Variants in PDE4B observed in about 807,000 individuals in gnomAD.
PDE4B encodes phosphodiesterase 4B.
In PDE4B, 20 loss-of-function variants were observed where a neutral mutation model predicts 82.2. The observed-to-expected ratio is 0.24, with a 90% confidence interval of 0.17 to 0.35. The LOEUF (loss-of-function observed/expected upper bound fraction) is 0.35. Ranked by LOEUF, PDE4B falls within the 10% of genes least tolerant of loss-of-function variation. The pLI is 1.00. For synonymous variants in PDE4B, 320 were observed against 318.9 expected (o/e 1.00, Z -0.04); for missense variants, 655 against 907.2 (o/e 0.72, Z 3.57).
intron 6 of PDE4B, among the ~76,000 whole-genome samples, chr1:66,263,051 C>T (rs17128711): frequency 0.025 from 3,767 of 152,286 alleles, 64 homozygotes; most frequent in Middle Eastern, 0.054. Flanking sequence ...TAATCCAGTG[C>T]GTATGTGTTG....
chr1:65,855,895 A>G (rs1164183874), intron 1 of PDE4B, among the ~76,000 whole-genome samples: 1 of 152,088 alleles, frequency 6.6e-6, no homozygotes, highest in Non-Finnish European at 1.5e-5. Flanking sequence ...ATTTGCCTGC[A>G]GTCATAGTGA....
At chr1:66,220,598 T>A (rs2101603500) in intron 3 of PDE4B, among the ~76,000 whole-genome samples, 1 of 152,298 alleles carries the variant, frequency 6.6e-6, no homozygotes, top group Admixed American at 6.5e-5. Context: ...CATTGCTCTT[T>A]TAGGTTGCTA....
intron 3 of PDE4B, among the ~76,000 whole-genome samples, chr1:66,184,528 GGAA>G (rs1436847885): frequency 3.0e-4 from 46 of 152,090 alleles, no homozygotes; most frequent in Non-Finnish European, 5.9e-5. Flanking sequence ...AGTTCTGGAT[GGAA>G]GAAGATTCAG....
intron 7 of PDE4B, among the ~76,000 whole-genome samples, chr1:66,301,115 A>G (rs498393): frequency 0.62 from 94,849 of 151,772 alleles, 30,265 homozygotes; most frequent in African/African-American, 0.72. Flanking sequence ...TGAAAGGCCC[A>G]TAGTACAGCT....
chr1:66,030,185 A>G (rs1653692605), intron 3 of PDE4B, among the ~76,000 whole-genome samples: 2 of 152,188 alleles, frequency 1.3e-5, no homozygotes, highest in South Asian at 4.1e-4. Flanking sequence ...CCAACCTTGC[A>G]TTCCAGGAAT....
intron 3 of PDE4B, among the ~76,000 whole-genome samples, chr1:66,187,119 A>G (rs1647258058): frequency 6.6e-6 from 1 of 152,192 alleles, no homozygotes; most frequent in Non-Finnish European, 1.5e-5. Context: ...GGTTCTGTTT[A>G]TATGCTGGAT....
chr1:66,111,460 G>A (rs1359157556), intron 3 of PDE4B, among the ~76,000 whole-genome samples: 1 of 151,940 alleles, frequency 6.6e-6, no homozygotes, highest in East Asian at 1.9e-4. Flanking sequence ...ACCATTCTAC[G>A]TTTTGTCTCT....
At chr1:66,031,849 T>C (rs1303626853) in intron 3 of PDE4B, among the ~76,000 whole-genome samples, 1 of 152,222 alleles carries the variant, frequency 6.6e-6, no homozygotes, top group Non-Finnish European at 1.5e-5. Context: ...TTTTAAACTG[T>C]GTTTAAGTGG....
At position 66,128,303 on chromosome 1, in the gene PDE4B, C is replaced by A. The variant is rs1423685151; in HGVS notation, c.282-119157C>A. ...CTCCTTGGAGATTTTTCCAAAGGAA[C>A]ACTTTATTTTATTTTTGTTCCCTGA... On this transcript the variant is annotated intron_variant, in intron 3 of 16. Transcript: ENST00000341517. Among the ~76,000 whole-genome samples, 3 of 152,290 alleles carry A rather than the reference C, an allele frequency of 2.0e-5. No homozygotes were observed. The South Asian group carries it at 6.2e-4, about 32-fold the overall frequency.
intron 3 of PDE4B, among the ~76,000 whole-genome samples, chr1:66,090,687 C>CTGTATG (rs1557553599): frequency 7.1e-6 from 1 of 140,834 alleles, no homozygotes; most frequent in African/African-American, 2.7e-5. Context: ...GTATATGTAT[C>CTGTATG]TGTATATAAG....
chr1:66,309,812 T>C (rs1113986), intron 7 of PDE4B, among the ~76,000 whole-genome samples: 1 of 152,208 alleles, frequency 6.6e-6, no homozygotes, highest in Non-Finnish European at 1.5e-5. Context: ...CTCAGAATTA[T>C]ACCAATAAAT....
chr1:66,135,910 T>C (rs1430070601), intron 3 of PDE4B, among the ~76,000 whole-genome samples: 1 of 152,148 alleles, frequency 6.6e-6, no homozygotes, highest in Non-Finnish European at 1.5e-5. Context: ...AAAGATGGAA[T>C]GAGGGAGGAA....
chr1:66,310,815 T>C (rs1658615996), intron 7 of PDE4B, among the ~76,000 whole-genome samples: 1 of 152,214 alleles, frequency 6.6e-6, no homozygotes, highest in Admixed American at 6.5e-5. Flanking sequence ...ACTAGATCTT[T>C]AATGACTCTA....
At chr1:66,184,861 T>A (rs1647149058) in intron 3 of PDE4B, among the ~76,000 whole-genome samples, 1 of 152,148 alleles carries the variant, frequency 6.6e-6, no homozygotes, top group African/African-American at 2.4e-5. Context: ...TATTGTACTT[T>A]AAGTTTTAGG....
intron 7 of PDE4B, chr1:66,330,801 G>C: frequency 1.0e-6 from 1 of 985,078 alleles, no homozygotes; most frequent in Non-Finnish European, 1.2e-6. Flanking sequence ...TTCGTGTTGA[G>C]GCAGCATTGC....
rs541952538 is a variant in PDE4B at position 65,821,761 on chromosome 1, C to G, written c.-71+28513C>G. Reference sequence around the variant, plus strand: ...CTATTTAGTGCAGTTGTTCTCATTCCTGGCATGCATAAGAATCAACTGTAG... The same window carrying G: ...CTATTTAGTGCAGTTGTTCTCATTCGTGGCATGCATAAGAATCAACTGTAG... On this transcript the variant is annotated intron_variant, in intron 1 of 16. Transcript: ENST00000341517. Among the ~76,000 whole-genome samples the G allele has an allele frequency of 1.2e-4, 18 of 152,276 alleles. No homozygotes were observed. The East Asian group carries it at 1.7e-3, about 15-fold the overall frequency.
At chr1:66,120,302 C>A (rs1645683600) in intron 3 of PDE4B, among the ~76,000 whole-genome samples, 1 of 151,810 alleles carries the variant, frequency 6.6e-6, no homozygotes, top group Non-Finnish European at 1.5e-5. Context: ...TTGACCTAGA[C>A]CCTTGGTTTG....
At chr1:66,184,115 G>T (rs892613335) in intron 3 of PDE4B, among the ~76,000 whole-genome samples, 5 of 152,102 alleles carry the variant, frequency 3.3e-5, no homozygotes, top group Non-Finnish European at 2.9e-5. Flanking sequence ...GCTATTAGTG[G>T]CTGACCCTAA....
intron 1 of PDE4B, among the ~76,000 whole-genome samples, chr1:65,852,236 A>AT (rs938571337): frequency 3.3e-5 from 5 of 151,780 alleles, no homozygotes; most frequent in Admixed American, 1.3e-4. Context: ...ATGAAATGAG[A>AT]TTTTTTTCTC....
Sources: gnomAD v4.1 joint callset for allele counts (sites outside exome capture counted in the v4.1 genomes callset) on GRCh38, gnomAD v4.1.1 for gene constraint, MANE v1.5 for transcripts, NCBI Gene and HGNC (gene_info 2026-07-23, HGNC 2026-07-21) for gene names.